CHRM3: variants seen among roughly 807,000 people sequenced by gnomAD.
CHRM3 encodes the protein muscarinic acetylcholine receptor M3.
Under a neutral mutation model 41.8 loss-of-function variants are expected in CHRM3, and 11 were observed. The ratio of observed to expected loss-of-function variants is 0.26; its 90% CI spans 0.17 to 0.44. The LOEUF (loss-of-function observed/expected upper bound fraction) is 0.44, where lower values mean the gene tolerates loss of function less well. Among genes scored for constraint, CHRM3 ranks in the 20% least tolerant of loss-of-function variants. The pLI is 1.00. For synonymous variants in CHRM3, 297 were observed against 301.4 expected, an observed-to-expected ratio of 0.99 and a Z score of 0.15; for missense variants, 571 against 745.4, an observed-to-expected ratio of 0.77 and a Z score of 2.72.
chr1:239,504,574 A>T (rs768026899), intron 2 of CHRM3, among the ~76,000 whole-genome samples: 4 of 152,228 alleles, frequency 2.6e-5, no homozygotes, highest in Admixed American at 6.5e-5. Context: ...GTAACTATCC[A>T]GAGAAAAAGA....
rs61831572 is a variant in CHRM3 at position 239,850,661 on chromosome 1, G to A, written c.-20+23283G>A. On this transcript the variant is annotated intron_variant, in intron 6 of 6. Transcript: ENST00000676153. ...GTGTTTCGGGAGGGACCTCCTGGGA[G>A]GTAGTTAGATCATGGGAGTGGGTCC... 3.0e-3 allele frequency among the ~76,000 whole-genome samples: 452 copies of A among 152,258 alleles called. 1 individual carries two copies. The highest frequency in any genetic ancestry group is 6.8e-3 in the Middle Eastern group (2 of 294).
intron 3 of CHRM3, among the ~76,000 whole-genome samples, chr1:239,589,666 A>AACAAG (rs1663878347): frequency 2.7e-5 from 3 of 111,940 alleles, no homozygotes; most frequent in Non-Finnish European, 5.7e-5. Flanking sequence ...ATATATATAT[A>AACAAG]TATAGTTTTA....
In CHRM3 at chr1:239,660,836, G is replaced by A. The variant is rs142309533; in HGVS notation, c.-249-17350G>A. 9.0e-4 allele frequency among the ~76,000 whole-genome samples: 137 copies of A among 152,236 alleles called. 1 individual carries two copies. Among genetic ancestry groups the A allele is most frequent in the African/African-American group, 3.0e-3 (125 of 41,536 alleles). Reference sequence around the variant, plus strand: ...GTGGAGGTTGCAGTGAGTCAAGATCGTGCCACCACACTCCAGCCTGGGTGA... The same window carrying A: ...GTGGAGGTTGCAGTGAGTCAAGATCATGCCACCACACTCCAGCCTGGGTGA... On this transcript the variant is annotated intron_variant, in intron 4 of 6. Transcript: ENST00000676153.
At chr1:239,442,146 G>T (rs909948128) in intron 1 of CHRM3, among the ~76,000 whole-genome samples, 1 of 149,422 alleles carries the variant, frequency 6.7e-6, no homozygotes, top group African/African-American at 2.5e-5. Context: ...TATACGTTAG[G>T]TTTTTTTTTT....
intron 3 of CHRM3, among the ~76,000 whole-genome samples, chr1:239,584,526 C>A (rs1663226902): frequency 6.6e-6 from 1 of 152,002 alleles, no homozygotes; most frequent in Admixed American, 6.6e-5. Context: ...AAACTAAATT[C>A]AAATATTTTA....
chr1:239,677,502 TG>T, intron 4 of CHRM3, among the ~76,000 whole-genome samples: 1 of 152,310 alleles, frequency 6.6e-6, no homozygotes, highest in South Asian at 2.1e-4. Context: ...CTTGCAATTT[TG>T]GGGGCTGGGA....
intron 1 of CHRM3, among the ~76,000 whole-genome samples, chr1:239,401,952 G>A (rs1467218439): frequency 6.6e-6 from 1 of 152,168 alleles, no homozygotes; most frequent in Non-Finnish European, 1.5e-5. Flanking sequence ...CTCCTGCTAA[G>A]TCACTGCCTG....
At chr1:239,841,968 A>AG (rs896441837) in intron 6 of CHRM3, among the ~76,000 whole-genome samples, 4 of 152,306 alleles carry the variant, frequency 2.6e-5, no homozygotes, top group South Asian at 2.1e-4. Context: ...AGGCTGGTGT[A>AG]GGGGGGACGC....
chr1:239,432,851 G>T (rs899660724), intron 1 of CHRM3, among the ~76,000 whole-genome samples: 1 of 151,984 alleles, frequency 6.6e-6, no homozygotes, highest in South Asian at 2.1e-4. Context: ...CCATTTTCAC[G>T]GGTTCTTTTA....
intron 1 of CHRM3, among the ~76,000 whole-genome samples, chr1:239,431,037 A>G (rs984264254): frequency 1.7e-4 from 26 of 152,142 alleles, no homozygotes; most frequent in Non-Finnish European, 3.5e-4. Flanking sequence ...TGCCCCATCC[A>G]TACATTATAC....
intron 4 of CHRM3, among the ~76,000 whole-genome samples, chr1:239,634,401 G>GAAAGAAAGAA (rs2148885805): frequency 6.9e-6 from 1 of 145,932 alleles, no homozygotes; most frequent in East Asian, 2.1e-4. Context: ...AAGAAAGAAA[G>GAAAGAAAGAA]AAAGGAAAGA....
At chr1:239,696,905 CTG>C (rs1276184023) in intron 5 of CHRM3, among the ~76,000 whole-genome samples, 1 of 152,110 alleles carries the variant, frequency 6.6e-6, no homozygotes, top group African/African-American at 2.4e-5. Flanking sequence ...GGGAAAAAAA[CTG>C]TTCATTAATA....
chr1:239,791,218 C>G (rs772515780), intron 5 of CHRM3, among the ~76,000 whole-genome samples: 1 of 152,178 alleles, frequency 6.6e-6, no homozygotes, highest in Admixed American at 6.5e-5. Context: ...AATTCTCCTG[C>G]CTCAGGCACC....
chr1:239,888,882 A>C (rs535620162), intron 6 of CHRM3, among the ~76,000 whole-genome samples: 1 of 152,116 alleles, frequency 6.6e-6, no homozygotes, highest in African/African-American at 2.4e-5. Flanking sequence ...GCTCTTACCC[A>C]TGGTTTATGC....
chr1:239,677,414 C>T (rs1030610052), intron 4 of CHRM3, among the ~76,000 whole-genome samples: 2 of 152,148 alleles, frequency 1.3e-5, no homozygotes, highest in Non-Finnish European at 2.9e-5. Context: ...GGAACTCATA[C>T]CTAGTTGCGT....
intron 5 of CHRM3, among the ~76,000 whole-genome samples, chr1:239,774,839 G>A (rs1302939660): frequency 6.6e-6 from 1 of 152,118 alleles, no homozygotes; most frequent in East Asian, 1.9e-4. Flanking sequence ...ACCATCAGAT[G>A]TTTTCTAACA....
At chr1:239,582,068 T>C (rs958344083) in intron 3 of CHRM3, among the ~76,000 whole-genome samples, 1 of 152,190 alleles carries the variant, frequency 6.6e-6, no homozygotes, top group African/African-American at 2.4e-5. Flanking sequence ...TAACTACAAC[T>C]TTTAATTTCT....
At chr1:239,786,076 G>C (rs565006940) in intron 5 of CHRM3, among the ~76,000 whole-genome samples, 8 of 152,024 alleles carry the variant, frequency 5.3e-5, no homozygotes, top group Non-Finnish European at 1.2e-4. Context: ...TACTTTGAAG[G>C]GTTCCTCAGC....
chr1:239,675,776 C>G (rs1430098950), intron 4 of CHRM3, among the ~76,000 whole-genome samples: 1 of 152,142 alleles, frequency 6.6e-6, no homozygotes, highest in Non-Finnish European at 1.5e-5. Context: ...AAAAGATTTT[C>G]TAGTCTCTCA....
Sources: gnomAD v4.1 joint callset for allele counts (sites outside exome capture counted in the v4.1 genomes callset) on GRCh38, gnomAD v4.1.1 for gene constraint, MANE v1.5 for transcripts, NCBI Gene and HGNC (gene_info 2026-07-23, HGNC 2026-07-21) for gene names.